The following SLC17A1 variants were observed in gnomAD, a reference collection of about 807,000 sequenced individuals.
SLC17A1 encodes solute carrier family 17 member 1.
Under a neutral mutation model 53.5 loss-of-function variants are expected in SLC17A1, and 51 were observed. The ratio of observed to expected loss-of-function variants is 0.95; its 90% CI spans 0.76 to 1.20. The LOEUF is 1.20. Among genes scored for constraint, SLC17A1 ranks in the 50% most tolerant of loss-of-function variants. The pLI is 0.00. For missense variants in SLC17A1, 538 were observed against 568.2 expected, an observed-to-expected ratio of 0.95 and a Z score of 0.54; for synonymous variants, 179 against 198.8, an observed-to-expected ratio of 0.90 and a Z score of 0.84.
chr6:25,811,807 G>A lies in SLC17A1; in HGVS notation c.898-37C>T, dbSNP rs1196384471. On this transcript the variant is annotated intron_variant, in intron 8 of 12. Transcript: ENST00000244527. ...ACATTATTCTTGGAGTGAGTTTGAT[G>A]GGTAAAGCAGTACTGACACACAGAG... is the stretch of plus-strand genomic sequence containing the variant. The A allele has an allele frequency of 3.7e-6, 6 of 1,610,678 alleles. No individual in the cohort carries two copies. In the South Asian group the frequency reaches 6.6e-5, roughly 18 times the overall value.
intron 10 of SLC17A1, among the ~76,000 whole-genome samples, chr6:25,804,014 G>GAT (rs2151484366): frequency 6.6e-6 from 1 of 152,108 alleles, no homozygotes; most frequent in Non-Finnish European, 1.5e-5. Flanking sequence ...TAATCATAAG[G>GAT]ATATACTTTT....
chr6:25,788,209 A>T (rs2151474237), intron 12 of SLC17A1, among the ~76,000 whole-genome samples: 1 of 152,304 alleles, frequency 6.6e-6, no homozygotes, highest in African/African-American at 2.4e-5. Context: ...ATCACCTTCA[A>T]ATCAAACTTT....
the SLC17A1 span, chr6:25,726,819 C>T: frequency 4.6e-5 from 65 of 1,426,232 alleles, no homozygotes; most frequent in African/African-American, 1.0e-4. Flanking sequence ...TCATTTGGAG[C>T]TGTTTAATAC....
chr6:25,815,366 T>A (rs1316862067), intron 6 of SLC17A1, among the ~76,000 whole-genome samples: 2 of 151,588 alleles, frequency 1.3e-5, no homozygotes, highest in African/African-American at 4.9e-5. Flanking sequence ...GCCCAGAGAA[T>A]GCCAAGAATA....
the SLC17A1 span, chr6:25,726,076 A>G: frequency 6.9e-7 from 1 of 1,457,154 alleles, no homozygotes; most frequent in South Asian, 1.4e-5. Context: ...GTGGCTCTGA[A>G]AAGAGCCTTT....
chr6:25,783,784 C>G (rs1208990362), intron 12 of SLC17A1, among the ~76,000 whole-genome samples: 1 of 151,966 alleles, frequency 6.6e-6, no homozygotes, highest in Admixed American at 6.6e-5. Flanking sequence ...TGGTCCTGCA[C>G]CCACCACACA....
At chr6:25,727,837 G>A in the SLC17A1 span, among the ~76,000 whole-genome samples, 17 of 151,946 alleles carry the variant, frequency 1.1e-4, no homozygotes, top group East Asian at 3.2e-3. Flanking sequence ...GGCCAACAAG[G>A]TGAAACTCCG....
the SLC17A1 span, among the ~76,000 whole-genome samples, chr6:25,729,357 C>T: frequency 1.3e-5 from 2 of 152,200 alleles, no homozygotes; most frequent in African/African-American, 2.4e-5. Context: ...CTTGCCTCTG[C>T]CCTTCTCCAC....
Position 25,819,948 on chromosome 6 carries a change from C to T in SLC17A1, c.208-33G>A, listed in dbSNP as rs1251289546. ...ACAAGGGGGGACATGTCGAATCACTCTGCATATCAGAAATTTACTGTGACA... is the reference window on the plus strand; with the variant it reads ...ACAAGGGGGGACATGTCGAATCACTTTGCATATCAGAAATTTACTGTGACA... On this transcript the variant is annotated intron_variant, in intron 3 of 12. Coordinates refer to ENST00000244527, the MANE Select transcript of SLC17A1 (RefSeq NM_005074.5). 2.8e-6 allele frequency: 4 copies of T among 1,413,196 alleles called. No individual in the cohort carries two copies. In the African/African-American group the frequency reaches 5.7e-5, roughly 20 times the overall value. 87.5% of individuals were successfully genotyped at this position (1,413,196 alleles called of 1,614,324 possible). A position where few individuals can be genotyped will look rare whatever the true frequency, so the allele number is the denominator to read the frequency against.
At chr6:25,741,065 AAAAT>A in the SLC17A1 span, among the ~76,000 whole-genome samples, 41,115 of 151,896 alleles carry the variant, frequency 0.27, 6,729 homozygotes, top group East Asian at 0.7. Context: ...TAATAGGTAG[AAAAT>A]AAAAGGAATA....
the SLC17A1 span, among the ~76,000 whole-genome samples, chr6:25,775,980 C>A: frequency 4.9e-4 from 75 of 152,104 alleles, no homozygotes; most frequent in African/African-American, 1.8e-3. Flanking sequence ...TTGTTCATTT[C>A]TCATACCTTT....
the SLC17A1 span, among the ~76,000 whole-genome samples, chr6:25,734,442 T>G: frequency 3.9e-5 from 6 of 152,148 alleles, no homozygotes; most frequent in East Asian, 3.8e-4. Context: ...ATATCAGGCT[T>G]CTTCTTAGAC....
At position 25,830,516 on chromosome 6, in the gene SLC17A1, A is replaced by C. The variant is rs1466971086; in HGVS notation, c.34+8T>G. On this transcript the variant is annotated splice_region_variant and intron_variant, in intron 2 of 12. Transcript: ENST00000244527. Reference sequence around the variant, plus strand: ...ACACCTGTTTAATGGAACAGAATAAAGTGCTACCTTTTTTGGGAGGCAACC... The same window carrying C: ...ACACCTGTTTAATGGAACAGAATAACGTGCTACCTTTTTTGGGAGGCAACC... 6.2e-7 allele frequency: 1 copy of C among 1,603,758 alleles called. No individual in the cohort carries two copies. The highest frequency in any genetic ancestry group is 8.5e-7 in the Non-Finnish European group (1 of 1,170,606).
At chr6:25,725,726 G>GCC in the SLC17A1 span, among the ~76,000 whole-genome samples, 1 of 152,010 alleles carries the variant, frequency 6.6e-6, no homozygotes, top group Non-Finnish European at 1.5e-5. Context: ...GCAGCCTCCC[G>GCC]AACAGCTGGG....
intron 6 of SLC17A1, among the ~76,000 whole-genome samples, chr6:25,816,182 T>C (rs1205664352): frequency 6.6e-6 from 1 of 152,208 alleles, no homozygotes; most frequent in East Asian, 1.9e-4. Context: ...AAATTTAGAA[T>C]TCTGAACACA....
At chr6:25,798,291 T>C (rs1763646903) in intron 12 of SLC17A1, among the ~76,000 whole-genome samples, 2 of 152,214 alleles carry the variant, frequency 1.3e-5, no homozygotes. Flanking sequence ...CACAGTATTA[T>C]ACCTTGAACA....
chr6:25,731,964 A>G, the SLC17A1 span: 6 of 1,597,096 alleles, frequency 3.8e-6, no homozygotes, highest in Non-Finnish European at 5.1e-6. Context: ...AATGTCACTA[A>G]CAAAAGAATT....
At chr6:25,735,137 T>C in the SLC17A1 span, among the ~76,000 whole-genome samples, 1 of 152,228 alleles carries the variant, frequency 6.6e-6, no homozygotes, top group Admixed American at 6.5e-5. Flanking sequence ...TTGTATTATA[T>C]GACAAGGGAT....
the SLC17A1 span, chr6:25,773,553 T>A: frequency 6.2e-7 from 1 of 1,613,988 alleles, no homozygotes; most frequent in Non-Finnish European, 8.5e-7. Context: ...AGGGCTATGA[T>A]CAAATCCTTA....
Sources: allele counts gnomAD v4.1 joint callset (sites outside exome capture counted in the v4.1 genomes callset), GRCh38; gene constraint gnomAD v4.1.1; transcripts MANE v1.5; gene names NCBI Gene and HGNC (gene_info 2026-07-23, HGNC 2026-07-21).